Variants in USP14 observed in about 807,000 individuals in gnomAD.
USP14 encodes ubiquitin carboxyl-terminal hydrolase 14.
A neutral mutation model predicts 76.5 loss-of-function variants in USP14; 38 were observed. That is an observed-to-expected ratio of 0.50 (90% CI 0.38 to 0.65). The LOEUF is 0.65. Among genes scored for constraint, USP14 ranks in the 30% least tolerant of loss-of-function variants. USP14 has a pLI of 0.00. For missense variants in USP14, 467 were observed against 586.5 expected (o/e 0.80, Z 2.10); for synonymous variants, 192 against 191.7 (o/e 1.00, Z -0.01).
chr18:197,961 AAT>A, intron 8 of USP14, 84 bp from the exon 9 acceptor site: 1 of 1,181,538 alleles, frequency 8.5e-7, no homozygotes, highest in Non-Finnish European at 1.2e-6. Flanking sequence ...TTTTTAAAAA[AAT>A]ATGTATTACT....
chr18:208,512 C>T (rs72856253), intron 13 of USP14, among the ~76,000 whole-genome samples: 31,959 of 151,884 alleles, frequency 0.21, 3,832 homozygotes, highest in South Asian at 0.28. Flanking sequence ...ATTCTGCTTG[C>T]CTTGTGATAT....
At chr18:182,158 G>A (rs1357729984) in intron 5 of USP14, among the ~76,000 whole-genome samples, 2 of 152,194 alleles carry the variant, frequency 1.3e-5, no homozygotes, top group Non-Finnish European at 2.9e-5. Context: ...AAGGAAAAGA[G>A]TAAAGAATTA....
chr18:180,211 C>CT (rs79829832), intron 4 of USP14, 25 bp from the exon 5 acceptor site: 65,342 of 974,402 alleles, frequency 0.067, no homozygotes, highest in South Asian at 0.075. Context: ...TGATTTAATC[C>CT]TTTTTTTTTT....
At chr18:189,966 A>T (rs1269709333) in intron 5 of USP14, among the ~76,000 whole-genome samples, 1 of 152,192 alleles carries the variant, frequency 6.6e-6, no homozygotes, top group African/African-American at 2.4e-5. Context: ...AATTGGAAAT[A>T]CTATCCTGAC....
intron 13 of USP14, among the ~76,000 whole-genome samples, chr18:208,166 C>A (rs1371833863): frequency 1.3e-5 from 2 of 151,540 alleles, no homozygotes; most frequent in African/African-American, 4.8e-5. Flanking sequence ...TTTTACATTT[C>A]AAATTTAATT....
At position 213,815 on chromosome 18, in the gene USP14, A is replaced by G. The variant is rs1910748671; in HGVS notation, c.*2531A>G. The G allele has an allele frequency of 6.6e-6, 1 of 152,208 alleles. No homozygotes were observed. Among genetic ancestry groups the G allele is most frequent in the South Asian group, 2.1e-4 (1 of 4,826 alleles). The allele number at this position is 152,208 out of a possible 1,614,324, so 9.4% of individuals were successfully genotyped here. A position where few individuals can be genotyped will look rare whatever the true frequency, so the allele number is the denominator to read the frequency against. On this transcript the variant is annotated 3_prime_UTR_variant, in exon 16 of 16. Transcript: ENST00000261601. Reference sequence around the variant, plus strand: ...GCTTTGCTGTGTATAGGGTGTGTTCACATATATCTCAGTTGAATGTCACAA... The same window carrying G: ...GCTTTGCTGTGTATAGGGTGTGTTCGCATATATCTCAGTTGAATGTCACAA...
chr18:204,495 A>T (rs1189700927), intron 12 of USP14, 69 bp from the exon 13 acceptor site: 1 of 1,263,766 alleles, frequency 7.9e-7, no homozygotes, highest in Non-Finnish European at 1.1e-6. Context: ...ATTACTTCAG[A>T]TATGTGATAC....
chr18:174,240 T>C (rs1909558989), intron 3 of USP14, among the ~76,000 whole-genome samples: 2 of 151,510 alleles, frequency 1.3e-5, no homozygotes, highest in Non-Finnish European at 2.9e-5. Context: ...TTGTTCCACA[T>C]ATTGTTAAGT....
intron 13 of USP14, among the ~76,000 whole-genome samples, chr18:208,637 G>T (rs1910590303): frequency 1.3e-5 from 2 of 151,946 alleles, no homozygotes; most frequent in African/African-American, 4.8e-5. Context: ...TTCCTCTTTG[G>T]CCATTGGTTA....
chr18:210,064 G>A, intron 14 of USP14, 33 bp downstream of exon 14: 3 of 1,511,338 alleles, frequency 2.0e-6, no homozygotes, highest in Non-Finnish European at 1.8e-6. Flanking sequence ...TTGAGTTATT[G>A]TATGTGGGTC....
chr18:162,570 A>C (rs1358048547), intron 1 of USP14, among the ~76,000 whole-genome samples: 1 of 151,878 alleles, frequency 6.6e-6, no homozygotes, highest in Admixed American at 6.6e-5. Context: ...TCTCCCAGGA[A>C]TTTTTCTTCT....
At chr18:159,945 CA>C (rs1397554252) in intron 1 of USP14, among the ~76,000 whole-genome samples, 1 of 152,106 alleles carries the variant, frequency 6.6e-6, no homozygotes. Flanking sequence ...TGAGGGTCAG[CA>C]AAAAGCTCTA....
Position 212,442 on chromosome 18 carries a change from A to G in USP14, c.*1158A>G, listed in dbSNP as rs975111408. 4 of 152,104 alleles carry G rather than the reference A, an allele frequency of 2.6e-5. No homozygotes were observed. Among genetic ancestry groups the G allele is most frequent in the African/African-American group, 9.7e-5 (4 of 41,402 alleles). The allele number at this position is 152,104 out of a possible 1,614,324, so 9.4% of individuals were successfully genotyped here. A position where few individuals can be genotyped will look rare whatever the true frequency, so the allele number is the denominator to read the frequency against. On this transcript the variant is annotated 3_prime_UTR_variant, in exon 16 of 16. Coordinates refer to ENST00000261601, the MANE Select transcript of USP14 (RefSeq NM_005151.4). ...CACATGGTGAAACCCTGTCTCTACT[A>G]AAGATATAAAAATTAGCTGGATGTG...
At chr18:202,312 G>A (rs537661867) in intron 10 of USP14, among the ~76,000 whole-genome samples, 19 of 152,246 alleles carry the variant, frequency 1.2e-4, no homozygotes, top group East Asian at 7.7e-4. Flanking sequence ...GATAAATACC[G>A]TTTCCACTGT....
At chr18:200,933 C>T (rs1168221114) in intron 10 of USP14, among the ~76,000 whole-genome samples, 1 of 152,076 alleles carries the variant, frequency 6.6e-6, no homozygotes, top group Admixed American at 6.5e-5. Context: ...TCCTGAGTAG[C>T]TGGGACTACA....
intron 4 of USP14, among the ~76,000 whole-genome samples, chr18:179,601 T>A (rs1447062724): frequency 6.7e-6 from 1 of 148,410 alleles, no homozygotes; most frequent in Non-Finnish European, 1.5e-5. Context: ...TTTTTTTTTT[T>A]CCTTGAGATG....
chr18:160,263 C>CA (rs36083125), intron 1 of USP14, among the ~76,000 whole-genome samples: 6 of 151,906 alleles, frequency 3.9e-5, no homozygotes, highest in African/African-American at 1.5e-4. Flanking sequence ...AAGATCGCGC[C>CA]ATTGCACTTC....
chr18:204,726 AT>A (rs763726140), intron 13 of USP14, 34 bp downstream of exon 13: 23 of 1,598,904 alleles, frequency 1.4e-5, no homozygotes, highest in Non-Finnish European at 1.9e-5. Context: ...TACTCTTAAT[AT>A]CTTAATCTCC....
At position 163,294 on chromosome 18, in the gene USP14, G is replaced by A. The variant is rs766668848; in HGVS notation, c.17-14G>A. 1 of 1,586,984 alleles carries A rather than the reference G, an allele frequency of 6.3e-7. No individual in the cohort carries two copies. The highest frequency in any genetic ancestry group is 1.8e-5 in the Admixed American group (1 of 55,920). On this transcript the variant is annotated splice_polypyrimidine_tract_variant and intron_variant, in intron 1 of 15. Coordinates refer to ENST00000261601, the MANE Select transcript of USP14 (RefSeq NM_005151.4). ...GTTATTTTTTAATTAAAAAAATTGT[G>A]ATTTTGTTTGCAGTTACTGTAAAAT... is the stretch of plus-strand genomic sequence containing the variant.
Sources: gnomAD v4.1 joint callset for allele counts (sites outside exome capture counted in the v4.1 genomes callset) on GRCh38, gnomAD v4.1.1 for gene constraint, MANE v1.5 for transcripts, NCBI Gene and HGNC (gene_info 2026-07-23, HGNC 2026-07-21) for gene names.